KMT2C: variants seen among roughly 807,000 people sequenced by gnomAD.
KMT2C encodes histone-lysine N-methyltransferase 2C.
KMT2C carries 88 observed loss-of-function variants against 507.9 expected under a neutral mutation model. That is an observed-to-expected ratio of 0.17 (90% confidence interval 0.15 to 0.21). The LOEUF (loss-of-function observed/expected upper bound fraction) is 0.21. Among genes scored for constraint, KMT2C ranks in the 10% least tolerant of loss-of-function variants. The pLI, the probability that KMT2C is intolerant of heterozygous loss-of-function variation, is 1.00. For missense variants in KMT2C, 4,954 were observed against 5,957.8 expected (o/e 0.83, Z 5.55); for synonymous variants, 2,049 against 2,080.8 (o/e 0.98, Z 0.42).
chr7:152,182,862 TA>T, intron 35 of KMT2C, 111 bp downstream of exon 35: 1 of 793,132 alleles, frequency 1.3e-6, no homozygotes, highest in Admixed American at 2.8e-5. Context: ...AAGTCTATCC[TA>T]AATCAAATTT....
rs2129114495 is a variant in KMT2C, at chr7:152,177,257, C to A, written c.8196G>T (p.Leu2732Phe). Residue 2732 changes from leucine (L) to phenylalanine (F), a missense_variant, in exon 38 of 59, where the codon TTG becomes TTT. Leu to Phe is a conservative substitution (Grantham distance 22). Transcript: ENST00000262189. ...TAGTTTCCAAATTATCTAAAGTATC[C>A]AATTCAACTACCTTGCCATCCTCTG... is the stretch of plus-strand genomic sequence containing the variant. ...LDTEDGKVVE[L>F]DTLDNLETND... The A allele has an allele frequency of 6.2e-7, 1 of 1,613,774 alleles. No individual in the cohort carries two copies. The highest frequency in any genetic ancestry group is 8.5e-7 in the Non-Finnish European group (1 of 1,179,966).
intron 7 of KMT2C, among the ~76,000 whole-genome samples, chr7:152,267,667 T>C (rs1437842697): frequency 2.0e-5 from 3 of 152,276 alleles, no homozygotes; most frequent in Admixed American, 2.0e-4. Context: ...CTTATGGTTC[T>C]GACATCCTGT....
chr7:152,409,520 A>C (rs557018225), intron 1 of KMT2C, among the ~76,000 whole-genome samples: 1 of 151,020 alleles, frequency 6.6e-6, no homozygotes, highest in East Asian at 2.0e-4. Context: ...GATCGAGACC[A>C]TCCTGGCTAC....
At chr7:152,371,518 C>G (rs930808213) in intron 1 of KMT2C, among the ~76,000 whole-genome samples, 1 of 152,038 alleles carries the variant, frequency 6.6e-6, no homozygotes, top group Non-Finnish European at 1.5e-5. Context: ...ATGGCGATAG[C>G]ATCTCCTTGC....
chr7:152,414,436 G>A (rs560707180), intron 1 of KMT2C, among the ~76,000 whole-genome samples: 2 of 152,162 alleles, frequency 1.3e-5, no homozygotes, highest in African/African-American at 4.8e-5. Context: ...GCTGAGGCAG[G>A]AGTATCGTTT....
At chr7:152,282,502 G>A (rs1479345083) in intron 6 of KMT2C, among the ~76,000 whole-genome samples, 1 of 150,146 alleles carries the variant, frequency 6.7e-6, no homozygotes, top group African/African-American at 2.4e-5. Flanking sequence ...ATACATCAAT[G>A]AGAAAAATAA....
rs746689413 is a variant in KMT2C, at chr7:152,154,312, C to A, written c.12094G>T (p.Val4032Leu). The A allele has an allele frequency of 6.2e-7, 1 of 1,614,166 alleles. No homozygotes were observed. Among genetic ancestry groups the A allele is most frequent in the Admixed American group, 1.7e-5 (1 of 60,022 alleles). The change falls in exon 47 of 59, where the codon GTG becomes TTG. Residue 4032 changes from valine to leucine, a missense_variant. Around this residue, in one of 29 missense-constraint regions of KMT2C, gnomAD observed 417 missense variants for 461.1 expected, o/e 0.90. Transcript: ENST00000262189. Reference protein sequence around the residue: ...SLVKEEPPEPVPSPIIPILPS... With the variant: ...SLVKEEPPEPLPSPIIPILPS... ...AGAATTGGAATGATGGGGGACGGCA[C>A]CGGTTCTGGAGGCTCCTCCTTGACC...
intron 39 of KMT2C, among the ~76,000 whole-genome samples, chr7:152,172,638 G>A (rs2093017831): frequency 6.6e-6 from 1 of 152,204 alleles, no homozygotes; most frequent in African/African-American, 2.4e-5. Flanking sequence ...GAAGGCTGCA[G>A]TGAGCCATTG....
intron 1 of KMT2C, among the ~76,000 whole-genome samples, chr7:152,407,499 G>T (rs76635909): frequency 1.4e-4 from 21 of 152,256 alleles, no homozygotes; most frequent in East Asian, 7.7e-4. Flanking sequence ...TGATAAAACC[G>T]GTCTCTACTA....
intron 9 of KMT2C, among the ~76,000 whole-genome samples, chr7:152,255,134 T>TATATATATATAC (rs1222246227): frequency 8.0e-6 from 1 of 124,508 alleles, no homozygotes; most frequent in South Asian, 2.4e-4. Flanking sequence ...TATATATATA[T>TATATATATATAC]ATATATATAT....
chr7:152,359,974 G>A (rs1171534009), intron 1 of KMT2C, among the ~76,000 whole-genome samples: 1 of 141,062 alleles, frequency 7.1e-6, no homozygotes, highest in Non-Finnish European at 1.5e-5. Context: ...GCTTGAACCT[G>A]ACAGATGGAG....
intron 52 of KMT2C, 103 bp downstream of exon 52, chr7:152,147,920 CATTATAAAAT>C (rs1343586578): frequency 2.6e-6 from 3 of 1,146,442 alleles, no homozygotes; most frequent in African/African-American, 3.1e-5. Flanking sequence ...GAAAAATACA[CATTATAAAAT>C]ATAAAACTAA....
chr7:152,178,774 G>A (rs1245068842), intron 37 of KMT2C, among the ~76,000 whole-genome samples: 2 of 152,110 alleles, frequency 1.3e-5, no homozygotes, highest in Non-Finnish European at 2.9e-5. Context: ...ATATAACATG[G>A]AGGTAGAGAT....
At chr7:152,356,349 C>T (rs1042912586) in intron 2 of KMT2C, among the ~76,000 whole-genome samples, 3 of 151,690 alleles carry the variant, frequency 2.0e-5, no homozygotes, top group Non-Finnish European at 4.4e-5. Context: ...CCAAGGTGGG[C>T]GGATCACGTG....
rs1011238091 is a variant in KMT2C, at chr7:152,284,711, CAAG to C, written c.850-10847_850-10845del. On this transcript the variant is annotated intron_variant, in intron 6 of 58. Coordinates refer to ENST00000262189, the MANE Select transcript of KMT2C (RefSeq NM_170606.3). ...AATATATAAAAAAACTCTTACAACT[CAAG>C]AAGATGACAAGTAAATCAATTGGAA... 4.6e-5 allele frequency among the ~76,000 whole-genome samples: 7 copies of C among 151,948 alleles called. No individual in the cohort carries two copies. In the South Asian group the frequency reaches 6.2e-4, roughly 14 times the overall value.
intron 1 of KMT2C, among the ~76,000 whole-genome samples, chr7:152,408,814 TAAAA>T (rs33915849): frequency 1.6e-5 from 2 of 122,314 alleles, no homozygotes; most frequent in Non-Finnish European, 1.8e-5. Context: ...AAGGTTTTGT[TAAAA>T]AAAAAAAAAA....
chr7:152,433,162 A>G (rs79630710), intron 1 of KMT2C, among the ~76,000 whole-genome samples: 1 of 152,064 alleles, frequency 6.6e-6, no homozygotes, highest in Non-Finnish European at 1.5e-5. Context: ...AAAAAAAAAA[A>G]GGCATCTTCT....
intron 2 of KMT2C, among the ~76,000 whole-genome samples, chr7:152,352,391 T>TTTGCCTTGTGATATTCTA (rs2097120544): frequency 6.6e-6 from 1 of 152,184 alleles, no homozygotes; most frequent in African/African-American, 2.4e-5. Context: ...CCTGCCTTCA[T>TTTGCCTTGTGATATTCTA]TTGCCTTGTG....
At chr7:152,435,414 G>A (rs962165743) in intron 1 of KMT2C, among the ~76,000 whole-genome samples, 4 of 149,148 alleles carry the variant, frequency 2.7e-5, no homozygotes, top group African/African-American at 9.7e-5. Context: ...GCGGGAGCCC[G>A]GGCGGGCGGC....
Sources: gnomAD v4.1 joint callset for allele counts (sites outside exome capture counted in the v4.1 genomes callset) on GRCh38, gnomAD v4.1.1 for gene constraint, gnomAD v4.1.1 regional missense constraint, MANE v1.5 for transcripts, NCBI Gene and HGNC (gene_info 2026-07-23, HGNC 2026-07-21) for gene names.